Variants in KLRB1 observed in about 807,000 individuals in gnomAD.
KLRB1 encodes killer cell lectin-like receptor subfamily B member 1.
A neutral mutation model predicts 33.5 loss-of-function variants in KLRB1; 27 were observed. The ratio of observed to expected loss-of-function variants is 0.81; its 90% confidence interval spans 0.59 to 1.11. The LOEUF is 1.11. KLRB1 is among the 50% of genes most tolerant of loss of function. The pLI is 0.00. For synonymous variants in KLRB1, 64 were observed against 88.9 expected, an observed-to-expected ratio of 0.72 and a Z score of 1.58; for missense variants, 241 against 254.1, an observed-to-expected ratio of 0.95 and a Z score of 0.35.
At chr12:9,607,341 TTTC>T in intron 1 of KLRB1, among the ~76,000 whole-genome samples, 2 of 54,638 alleles carry the variant, frequency 3.7e-5, no homozygotes, top group African/African-American at 1.1e-4. Flanking sequence ...CTTTCCTTTC[TTTC>T]TTTCTTTCTT....
rs142063673 is a variant in KLRB1 at position 9,599,826 on chromosome 12, T to C, written c.200A>G (p.Gln67Arg). ...ACTGCATTTTTCTATTGATGATTTCTGTATTAAGGATGTCACTAGTACATA... is the reference window on the plus strand; with the variant it reads ...ACTGCATTTTTCTATTGATGATTTCCGTATTAAGGATGTCACTAGTACATA... ...GLSVSVTSLI[Q>R]KSSIEKCSVD... The change falls in exon 3 of 6, where the codon CAG becomes CGG. Residue 67 changes from glutamine (Q) to arginine (R), a missense_variant. Gln to Arg is a conservative substitution (Grantham distance 43, BLOSUM62 1). Transcript: ENST00000229402. The C allele has an allele frequency of 4.1e-5, 65 of 1,593,330 alleles. No homozygotes were observed. In the African/African-American group the frequency reaches 7.8e-4, roughly 19 times the overall value.
Position 9,595,291 on chromosome 12 carries a change from C to G in KLRB1, c.661G>C (p.Val221Leu). ...ATTCATAGTCAAGAGTCAGGATACA[C>G]TTTATTTCTCACAGGTGTTAGTTCT... Reference protein sequence around the residue: ...QKELTPVRNKVYPDS With the variant: ...QKELTPVRNKLYPDS The change falls in exon 6 of 6, where the codon GTG becomes CTG. Residue 221 changes from valine to leucine, a missense_variant. Coordinates refer to ENST00000229402, the MANE Select transcript of KLRB1 (RefSeq NM_002258.3). 6.2e-7 allele frequency: 1 copy of G among 1,613,264 alleles called. No homozygotes were observed. The highest frequency in any genetic ancestry group is 1.7e-5 in the Admixed American group (1 of 59,988).
intron 1 of KLRB1, 161 bp downstream of exon 1, chr12:9,607,594 C>G (rs34323946): frequency 0.073 from 40,500 of 554,552 alleles, 1,723 homozygotes; most frequent in Non-Finnish European, 0.091. Context: ...TTTTTTTTCC[C>G]AAAGTTGTGA....
At position 9,601,588 on chromosome 12, in the gene KLRB1, C is replaced by G. The variant is rs763112820; in HGVS notation, c.97G>C (p.Gly33Arg). The change falls in exon 2 of 6, where the codon GGT (glycine) becomes CGT (arginine). Residue 33 changes from glycine to arginine, a missense_variant. Gly to Arg is a moderately radical substitution (Grantham distance 125). Coordinates refer to ENST00000229402, the MANE Select transcript of KLRB1 (RefSeq NM_002258.3). ...PSSLPRDVCQ[G>R]SPWHQFALKL... is the part of the protein sequence containing the mutation. ...AGGGCAAATTGATGCCAAGGTGAACCCTGACAGACATCTGAAAAGTTAAAA... is the reference window on the plus strand; with the variant it reads ...AGGGCAAATTGATGCCAAGGTGAACGCTGACAGACATCTGAAAAGTTAAAA... 7.5e-6 allele frequency: 12 copies of G among 1,609,874 alleles called. No homozygotes were observed. Among genetic ancestry groups the G allele is most frequent in the Admixed American group, 1.7e-5 (1 of 59,898 alleles).
intron 1 of KLRB1, among the ~76,000 whole-genome samples, chr12:9,607,352 C>CCT (rs1864624945): frequency 1.5e-5 from 1 of 64,868 alleles, no homozygotes; most frequent in African/African-American, 5.5e-5. Context: ...TTCTTTCTTT[C>CCT]TTCCTTTCTT....
chr12:9,604,793 CTTAG>C (rs1489200424), intron 1 of KLRB1, among the ~76,000 whole-genome samples: 1 of 152,020 alleles, frequency 6.6e-6, no homozygotes, highest in East Asian at 1.9e-4. Flanking sequence ...TTTATACTGA[CTTAG>C]TTATTTGTTT....
Position 9,595,359 on chromosome 12 carries a change from T to C in KLRB1, c.593A>G (p.Tyr198Cys). The change falls in exon 6 of 6, where the codon TAT becomes TGT. Residue 198 changes from tyrosine (Y) to cysteine (C), a missense_variant. Transcript: ENST00000229402. ...GATTTCTGTACTACAGTACTCAGAA[T>C]ACACAGATGTCTGTGAGATGGAAAT... ...SCISISQTSV[Y>C]SEYCSTEIRW... is the part of the protein sequence containing the mutation. The C allele has an allele frequency of 6.2e-7, 1 of 1,612,534 alleles. No homozygotes were observed. The highest frequency in any genetic ancestry group is 1.7e-4 in the Middle Eastern group (1 of 6,038).
At chr12:9,607,347 T>TCTTC (rs1555097782) in intron 1 of KLRB1, among the ~76,000 whole-genome samples, 1 of 71,252 alleles carries the variant, frequency 1.4e-5, no homozygotes, top group Admixed American at 1.6e-4. Context: ...TTTCTTTCTT[T>TCTTC]CTTTCTTCCT....
chr12:9,606,775 T>TTTTTTTTTTTTTTA (rs1864611163), intron 1 of KLRB1, among the ~76,000 whole-genome samples: 2 of 124,258 alleles, frequency 1.6e-5, no homozygotes, highest in African/African-American at 2.8e-5. Flanking sequence ...TTTTTTTTTT[T>TTTTTTTTTTTTTTA]TGAGATAGTC....
At position 9,599,806 on chromosome 12, in the gene KLRB1, AT is replaced by A; in HGVS notation, c.219del (p.Lys73AsnfsTer20). 1 of 1,605,882 alleles carries A rather than the reference AT, an allele frequency of 6.2e-7. No individual in the cohort carries two copies. On this transcript the variant is annotated frameshift_variant, in exon 3 of 6. Coordinates refer to ENST00000229402, the MANE Select transcript of KLRB1 (RefSeq NM_002258.3). LOFTEE classifies it high-confidence loss of function. ...TSLIQKSSIE[K>X]CSVDIQQSRN... is the part of the protein sequence containing the mutation. ...CTGCTCTGTTGAATGTCCACACTGC[AT>A]TTTTCTATTGATGATTTCTGTATTA...
At chr12:9,607,310 TTTC>T (rs1243085277) in intron 1 of KLRB1, among the ~76,000 whole-genome samples, 1 of 141,034 alleles carries the variant, frequency 7.1e-6, no homozygotes, top group Admixed American at 7.1e-5. Flanking sequence ...CCTTTCTTTC[TTTC>T]TTCTTTTCTT....
intron 2 of KLRB1, 109 bp from the exon 3 acceptor site, chr12:9,599,950 G>T: frequency 1.6e-6 from 1 of 620,760 alleles, no homozygotes; most frequent in South Asian, 1.9e-5. Context: ...GCTTGAATAT[G>T]GACAGAAAAT....
chr12:9,595,275 CAA>C lies in KLRB1; in HGVS notation c.675_676del (p.Ter226ThrfsTer40), dbSNP rs868269884. 8 of 1,612,770 alleles carry C rather than the reference CAA, an allele frequency of 5.0e-6. No homozygotes were observed. The highest frequency in any genetic ancestry group is 6.8e-6 in the Non-Finnish European group (8 of 1,179,182). On this transcript the variant is annotated frameshift_variant and stop_lost, in exon 6 of 6. Coordinates refer to ENST00000229402, the MANE Select transcript of KLRB1 (RefSeq NM_002258.3). LOFTEE classifies it high-confidence loss of function. ...AATAAATTGAGATGGGATTCATAGT[CAA>C]GAGTCAGGATACACTTTATTTCTCA...
intron 1 of KLRB1, among the ~76,000 whole-genome samples, chr12:9,601,839 G>A (rs1260379819): frequency 1.3e-5 from 2 of 152,192 alleles, no homozygotes; most frequent in East Asian, 3.8e-4. Context: ...GAACGCTTAT[G>A]CATGTGTGTA....
rs751750194 is a variant in KLRB1, at chr12:9,595,068, G to T, written c.*206C>A. On this transcript the variant is annotated 3_prime_UTR_variant, in exon 6 of 6. Coordinates refer to ENST00000229402, the MANE Select transcript of KLRB1 (RefSeq NM_002258.3). ...TCACTGTTTCTTTAAAACGATGCAC[G>T]TTTTTCTCTATGTCTCTGTTTCCTC... 3 of 542,042 alleles carry T rather than the reference G, an allele frequency of 5.5e-6. No homozygotes were observed. Among genetic ancestry groups the T allele is most frequent in the Non-Finnish European group, 9.8e-6 (3 of 305,988 alleles). 33.6% of individuals were successfully genotyped at this position (542,042 alleles called of 1,614,324 possible). A position where few individuals can be genotyped will look rare whatever the true frequency, so the allele number is the denominator to read the frequency against.
intron 1 of KLRB1, among the ~76,000 whole-genome samples, chr12:9,605,246 A>G (rs1490218236): frequency 6.6e-6 from 1 of 152,206 alleles, no homozygotes; most frequent in Non-Finnish European, 1.5e-5. Context: ...AATGATGGAC[A>G]TTTGGGTTGG....
At chr12:9,601,478 A>G in intron 2 of KLRB1, 23 bp downstream of exon 2, 1 of 1,537,400 alleles carries the variant, frequency 6.5e-7, no homozygotes, top group Non-Finnish European at 9.0e-7. Context: ...GTATTATGAA[A>G]CAGATGATGG....
intron 1 of KLRB1, among the ~76,000 whole-genome samples, chr12:9,604,527 C>T (rs1487096404): frequency 6.6e-6 from 1 of 152,158 alleles, no homozygotes; most frequent in Non-Finnish European, 1.5e-5. Context: ...CCTCCATACG[C>T]TCACTCTCCA....
chr12:9,607,310 TTTCTTC>T, intron 1 of KLRB1, among the ~76,000 whole-genome samples: 1 of 141,034 alleles, frequency 7.1e-6, no homozygotes, highest in Non-Finnish European at 1.6e-5. Flanking sequence ...CCTTTCTTTC[TTTCTTC>T]TTTTCTTTCT....
Sources: allele counts gnomAD v4.1 joint callset (sites outside exome capture counted in the v4.1 genomes callset), GRCh38; gene constraint gnomAD v4.1.1; transcripts MANE v1.5; gene names NCBI Gene and HGNC (gene_info 2026-07-23, HGNC 2026-07-21).